COL5A3: variants seen among roughly 807,000 people sequenced by gnomAD.
The protein encoded by COL5A3 is collagen type V alpha 3 chain, also known as collagen alpha-3(V) chain.
Under a neutral mutation model 250.0 loss-of-function variants are expected in COL5A3, and 172 were observed. The observed-to-expected ratio is 0.69, with a 90% CI of 0.61 to 0.78. The LOEUF (loss-of-function observed/expected upper bound fraction) is 0.78, where lower values mean the gene tolerates loss of function less well. COL5A3 is among the 30% of genes least tolerant of loss of function. COL5A3 has a pLI of 0.00. For missense variants in COL5A3, 2,340 were observed against 2,334.4 expected (o/e 1.00, Z -0.05); for synonymous variants, 937 against 900.4 (o/e 1.04, Z -0.73).
rs746590847 is a variant in COL5A3 at position 9,969,729 on chromosome 19, G to T, written c.3991-47C>A. ...GAGGGGCCAGAGTCAGAGGGTTCCT[G>T]CCTCCTGACCCCTGCCAAGAAGCAT... On this transcript the variant is annotated intron_variant, in intron 55 of 66. Coordinates refer to ENST00000264828, the MANE Select transcript of COL5A3 (RefSeq NM_015719.4). 52 of 1,578,960 alleles carry T rather than the reference G, an allele frequency of 3.3e-5. No individual in the cohort carries two copies. In the East Asian group the frequency reaches 1.0e-3, roughly 31 times the overall value.
intron 8 of COL5A3, among the ~76,000 whole-genome samples, chr19:9,999,471 T>TTC (rs1473276059): frequency 3.5e-5 from 4 of 114,816 alleles, no homozygotes; most frequent in Non-Finnish European, 7.8e-5. Context: ...TCTTTTTTCT[T>TTC]TTTTTTTTTT....
At position 9,966,615 on chromosome 19, in the gene COL5A3, C is replaced by G; in HGVS notation, c.4590G>C (p.Leu1530=). The G allele has an allele frequency of 6.5e-7, 1 of 1,538,926 alleles. No individual in the cohort carries two copies. The highest frequency in any genetic ancestry group is 8.7e-7 in the Non-Finnish European group (1 of 1,146,914). The part of the protein sequence containing the change: ...LTSLSLELEQ[L]RRPPGTAERP... ...GCTCCGCAGTGCCGGGAGGACGCCG[C>G]AGCTGCTCCAGCTCCAAGCTCAGCG... The change falls in exon 63 of 67, where the codon CTG becomes CTC. Residue 1530 remains leucine (L), a synonymous_variant. Coordinates refer to ENST00000264828, the MANE Select transcript of COL5A3 (RefSeq NM_015719.4).
chr19:9,969,916 A>C lies in COL5A3; in HGVS notation c.3943T>G (p.Ser1315Ala). 1 of 1,603,536 alleles carries C rather than the reference A, an allele frequency of 6.2e-7. No homozygotes were observed. Among genetic ancestry groups the C allele is most frequent in the Non-Finnish European group, 8.5e-7 (1 of 1,176,768 alleles). Residue 1315 changes from serine to alanine, a missense_variant, in exon 55 of 67, where the codon TCA becomes GCA. Ser to Ala is a moderately conservative substitution (Grantham distance 99). Transcript: ENST00000264828. ...CTGCCTTCTCGACCCATGTGGCCTG[A>C]AGGACCCTTGGAAGGGAAAGACAGT... is the stretch of plus-strand genomic sequence containing the variant. ...APGPPGKRGPSGHMGREGREG... is the reference protein window; with the variant it reads ...APGPPGKRGPAGHMGREGREG...
chr19:9,991,618 C>T lies in COL5A3; in HGVS notation c.1984G>A (p.Gly662Arg). The change falls in exon 24 of 67, where the codon GGG becomes AGG. Residue 662 changes from glycine to arginine, a missense_variant. Gly to Arg is a moderately radical substitution (Grantham distance 125, BLOSUM62 -2). Transcript: ENST00000264828. ...PGPQGLIGTP[G>R]EKGPPGNPGI... ...GTGGAGCTGTCACTCACCTTCTCCC[C>T]AGGAGTGCCAATGAGTCCCTGGGGA... is the stretch of plus-strand genomic sequence containing the variant. 6.2e-7 allele frequency: 1 copy of T among 1,600,494 alleles called. No individual in the cohort carries two copies. Among genetic ancestry groups the T allele is most frequent in the Non-Finnish European group, 8.5e-7 (1 of 1,173,238 alleles).
At chr19:9,976,824 T>C (rs1323178273) in intron 44 of COL5A3, among the ~76,000 whole-genome samples, 6 of 151,982 alleles carry the variant, frequency 3.9e-5, no homozygotes, top group African/African-American at 1.2e-4. Context: ...GGCCACAAGT[T>C]CCACCAAGAC....
chr19:9,986,212 A>G (rs1463567592), intron 30 of COL5A3, 103 bp downstream of exon 30: 30 of 786,908 alleles, frequency 3.8e-5, no homozygotes, highest in Non-Finnish European at 5.7e-5. Flanking sequence ...CAAGGTTGGT[A>G]GCAACCTCCT....
At chr19:9,982,835 A>G (rs867973430) in intron 31 of COL5A3, among the ~76,000 whole-genome samples, 2 of 152,022 alleles carry the variant, frequency 1.3e-5, no homozygotes, top group Non-Finnish European at 2.9e-5. Context: ...TGGGGGTTCC[A>G]TGGTCTCTAT....
chr19:9,982,089 TC>T lies in COL5A3; in HGVS notation c.2435del (p.Gly812AspfsTer3), dbSNP rs1568417606. 1.2e-6 allele frequency: 2 copies of T among 1,608,608 alleles called. No individual in the cohort carries two copies. Among genetic ancestry groups the T allele is most frequent in the Non-Finnish European group, 1.7e-6 (2 of 1,177,526 alleles). ...KGSIGFPGPL[G>X]PIGEKGKSGK... ...CCGACTTCCCTTTCTCTCCTATGGGTCCCAGGGGACCGGGAAATCCAATAGA... is the reference window on the plus strand; with the variant it reads ...CCGACTTCCCTTTCTCTCCTATGGGTCCAGGGGACCGGGAAATCCAATAGA... On this transcript the variant is annotated frameshift_variant, in exon 32 of 67. Coordinates refer to ENST00000264828, the MANE Select transcript of COL5A3 (RefSeq NM_015719.4). LOFTEE classifies it high-confidence loss of function.
At position 9,989,379 on chromosome 19, in the gene COL5A3, C is replaced by T. The variant is rs1006052719; in HGVS notation, c.2047-13G>A. The T allele has an allele frequency of 6.2e-7, 1 of 1,614,172 alleles. No individual in the cohort carries two copies. The highest frequency in any genetic ancestry group is 1.6e-4 in the Middle Eastern group (1 of 6,062). ...GTCCTGGGTGACCCTGGGGAAGAAA[C>T]ATTCTCAGTTGTCAGAGACCAAAAC... On this transcript the variant is annotated splice_polypyrimidine_tract_variant and intron_variant, in intron 25 of 66. Transcript: ENST00000264828.
chr19:9,969,767 G>C (rs2086802652), intron 55 of COL5A3, 85 bp from the exon 56 acceptor site: 2 of 1,569,294 alleles, frequency 1.3e-6, no homozygotes, highest in Non-Finnish European at 1.7e-6. Flanking sequence ...GGGATCGGGA[G>C]GGAGTAGGTG....
In COL5A3 at chr19:9,960,039, G is replaced by A. The variant is rs1391362557; in HGVS notation, c.*372C>T. On this transcript the variant is annotated 3_prime_UTR_variant, in exon 67 of 67. Coordinates refer to ENST00000264828, the MANE Select transcript of COL5A3 (RefSeq NM_015719.4). ...AGGGGTAGCACCAAAAGGTGTGAAGGGCAGCGACGGAGGAGTGAGGAGGCA... is the reference window on the plus strand; with the variant it reads ...AGGGGTAGCACCAAAAGGTGTGAAGAGCAGCGACGGAGGAGTGAGGAGGCA... The A allele has an allele frequency of 7.5e-6, 2 of 266,758 alleles. No homozygotes were observed. The highest frequency in any genetic ancestry group is 7.4e-6 in the Non-Finnish European group (1 of 135,634). 16.5% of individuals were successfully genotyped at this position (266,758 alleles called of 1,614,324 possible).
chr19:9,990,429 T>G (rs914234247), intron 24 of COL5A3, among the ~76,000 whole-genome samples: 2 of 151,628 alleles, frequency 1.3e-5, no homozygotes, highest in Non-Finnish European at 2.9e-5. Context: ...ATAACTGGAT[T>G]GTTTGTAACA....
chr19:10,006,416 C>A (rs1286816394), intron 1 of COL5A3, among the ~76,000 whole-genome samples, 185 bp from the exon 2 acceptor site: 5 of 152,084 alleles, frequency 3.3e-5, no homozygotes, highest in Non-Finnish European at 7.4e-5. Context: ...TCCTCACCAC[C>A]CCACAGATGT....
intron 27 of COL5A3, among the ~76,000 whole-genome samples, chr19:9,987,671 G>T (rs1419329606): frequency 6.6e-6 from 1 of 152,108 alleles, no homozygotes. Flanking sequence ...GATTGATTGA[G>T]CCTGGGAGCT....
intron 31 of COL5A3, among the ~76,000 whole-genome samples, chr19:9,983,165 A>C (rs1036666509): frequency 9.2e-5 from 14 of 151,744 alleles, no homozygotes; most frequent in African/African-American, 3.4e-4. Context: ...TGGCCCCAAC[A>C]CTCTTCAAGG....
At chr19:10,007,347 C>T (rs1367992454) in intron 1 of COL5A3, among the ~76,000 whole-genome samples, 1 of 152,170 alleles carries the variant, frequency 6.6e-6, no homozygotes, top group Non-Finnish European at 1.5e-5. Context: ...TCCTTCTGAC[C>T]AGCTGTCTCC....
chr19:9,998,326 A>G (rs1212332355), intron 8 of COL5A3, among the ~76,000 whole-genome samples, 177 bp from the exon 9 acceptor site: 2 of 152,092 alleles, frequency 1.3e-5, no homozygotes, highest in African/African-American at 4.8e-5. Flanking sequence ...AGCCCCCCGC[A>G]TCCACCGGGC....
rs1403906982 is a variant in COL5A3, at chr19:9,986,285, TG to T, written c.2352+29del. On this transcript the variant is annotated intron_variant, in intron 30 of 66. Coordinates refer to ENST00000264828, the MANE Select transcript of COL5A3 (RefSeq NM_015719.4). ...GAAAAGATTGGGGACACCTTGACTG[TG>T]GGAGGCTAGAGGGTGGAGAGTCATT... The T allele has an allele frequency of 2.1e-6, 3 of 1,401,556 alleles. No individual in the cohort carries two copies. In the African/African-American group the frequency reaches 4.3e-5, roughly 20 times the overall value. The allele number at this position is 1,401,556 out of a possible 1,614,324, so 86.8% of individuals were successfully genotyped here.
Position 9,971,242 on chromosome 19 carries a change from G to A in COL5A3, c.3791C>T (p.Pro1264Leu). ...GTCTCCTGGGGGCCCTAGATCTCCG[G>A]GCAGCCCCGTGGGGCCCTGGAACAC... ...AKGSVGPTGL[P>L]GDLGPPGDPG... The change falls in exon 52 of 67, where the codon CCC (proline) becomes CTC (leucine). Residue 1264 changes from proline (P) to leucine (L), a missense_variant. This residue lies in a region of COL5A3 where 1,179 missense variants were observed against 1,162.6 expected (regional missense o/e 1.01). Transcript: ENST00000264828. 1.3e-6 allele frequency: 2 copies of A among 1,563,972 alleles called. No homozygotes were observed. The highest frequency in any genetic ancestry group is 2.4e-5 in the South Asian group (2 of 82,190).
Sources: gnomAD v4.1 joint callset for allele counts (sites outside exome capture counted in the v4.1 genomes callset) on GRCh38, gnomAD v4.1.1 for gene constraint, gnomAD v4.1.1 regional missense constraint, MANE v1.5 for transcripts, NCBI Gene and HGNC (gene_info 2026-07-23, HGNC 2026-07-21) for gene names.